The following DCDC1 variants were observed in gnomAD, a reference collection of about 807,000 sequenced individuals.
The protein encoded by DCDC1 is doublecortin domain-containing protein 1.
DCDC1 carries 200 observed loss-of-function variants against 178.3 expected under a neutral mutation model. That is an observed-to-expected ratio of 1.12 (90% CI 1.00 to 1.26). The LOEUF is 1.26. Among genes scored for constraint, DCDC1 ranks in the 50% most tolerant of loss-of-function variants. The pLI is 0.00. For synonymous variants in DCDC1, 690 were observed against 604.8 expected (o/e 1.14, Z -2.07); for missense variants, 1,983 against 1,749.2 (o/e 1.13, Z -2.38).
At chr11:31,209,664 T>C (rs11031312) in intron 9 of DCDC1, among the ~76,000 whole-genome samples, 97 of 152,170 alleles carry the variant, frequency 6.4e-4, no homozygotes, top group African/African-American at 1.9e-3. Flanking sequence ...CAGAGTCTGA[T>C]TGAGGCAAAA....
At chr11:30,954,492 C>T (rs1208814491) in intron 20 of DCDC1, among the ~76,000 whole-genome samples, 1 of 152,086 alleles carries the variant, frequency 6.6e-6, no homozygotes, top group Non-Finnish European at 1.5e-5. Context: ...TAATTCATCC[C>T]ATGAAGGGGA....
chr11:30,938,588 T>C (rs1263787702), intron 21 of DCDC1, among the ~76,000 whole-genome samples: 5 of 152,162 alleles, frequency 3.3e-5, no homozygotes, highest in Non-Finnish European at 4.4e-5. Flanking sequence ...AATTACTTGA[T>C]CCAGCAGAGA....
intron 20 of DCDC1, among the ~76,000 whole-genome samples, chr11:30,983,114 T>C (rs975873427): frequency 2.6e-5 from 4 of 152,148 alleles, no homozygotes; most frequent in Non-Finnish European, 5.9e-5. Flanking sequence ...ATGTCTTTTA[T>C]GTGCATTTTG....
chr11:31,009,457 TG>T (rs1309255064), intron 20 of DCDC1, among the ~76,000 whole-genome samples: 1 of 151,508 alleles, frequency 6.6e-6, no homozygotes, highest in African/African-American at 2.4e-5. Flanking sequence ...TGTGTGTGTG[TG>T]TGTGTGTGTG....
At chr11:30,997,040 G>A (rs921700322) in intron 20 of DCDC1, among the ~76,000 whole-genome samples, 1 of 152,098 alleles carries the variant, frequency 6.6e-6, no homozygotes, top group African/African-American at 2.4e-5. Flanking sequence ...CAATATACAT[G>A]AATCTTAAAT....
At chr11:30,873,671 G>A (rs891884256) in intron 38 of DCDC1, among the ~76,000 whole-genome samples, 1 of 152,164 alleles carries the variant, frequency 6.6e-6, no homozygotes, top group African/African-American at 2.4e-5. Flanking sequence ...ACAGAAAAGA[G>A]ATGTTCAAGT....
At chr11:30,939,086 C>T (rs1947468998) in intron 21 of DCDC1, among the ~76,000 whole-genome samples, 1 of 152,186 alleles carries the variant, frequency 6.6e-6, no homozygotes, top group Non-Finnish European at 1.5e-5. Flanking sequence ...GACACACATA[C>T]TCGACCTCTG....
chr11:30,957,787 G>T (rs1173160532), intron 20 of DCDC1, among the ~76,000 whole-genome samples: 1 of 152,160 alleles, frequency 6.6e-6, no homozygotes, highest in African/African-American at 2.4e-5. Flanking sequence ...ATGACATGTG[G>T]TAAGACAGAT....
chr11:30,877,232 T>C (rs1206887850), intron 38 of DCDC1, among the ~76,000 whole-genome samples: 1 of 152,154 alleles, frequency 6.6e-6, no homozygotes, highest in Non-Finnish European at 1.5e-5. Context: ...AATGATATAC[T>C]GCCTTCCTGC....
chr11:31,135,535 C>T (rs888403285), intron 10 of DCDC1, among the ~76,000 whole-genome samples: 10 of 152,106 alleles, frequency 6.6e-5, no homozygotes, highest in African/African-American at 2.4e-4. Flanking sequence ...AAAGTTAGAA[C>T]TTACACATCC....
intron 20 of DCDC1, among the ~76,000 whole-genome samples, chr11:31,033,899 C>CT (rs1953840005): frequency 7.3e-6 from 1 of 137,520 alleles, no homozygotes; most frequent in Non-Finnish European, 1.5e-5. Flanking sequence ...AATCCCAGCA[C>CT]TGTGGGAGGC....
intron 9 of DCDC1, among the ~76,000 whole-genome samples, chr11:31,160,846 T>C (rs1293552921): frequency 1.3e-5 from 2 of 152,202 alleles, no homozygotes; most frequent in African/African-American, 4.8e-5. Flanking sequence ...CTTATGCTCT[T>C]GAATTAACAA....
chr11:31,105,610 A>G (rs1958795285), intron 13 of DCDC1, among the ~76,000 whole-genome samples: 2 of 151,938 alleles, frequency 1.3e-5, no homozygotes, highest in Admixed American at 6.6e-5. Context: ...AAATTTATCT[A>G]TGGACAAAAA....
In DCDC1 at chr11:31,302,711, C is replaced by T. The variant is rs188098996; in HGVS notation, c.754+2904G>A. Among the ~76,000 whole-genome samples, 13 of 152,226 alleles carry T rather than the reference C, an allele frequency of 8.5e-5. No individual in the cohort carries two copies. The East Asian group carries it at 2.3e-3, about 27-fold the overall frequency. On this transcript the variant is annotated intron_variant, in intron 6 of 38. Coordinates refer to ENST00000684477, the MANE Select transcript of DCDC1 (RefSeq NM_001387274.1). ...TCAAGGTATGTGATGAATAGCTCTC[C>T]GGCTTTCTATTAGATCCAATGCCAC...
intron 21 of DCDC1, among the ~76,000 whole-genome samples, chr11:30,947,046 T>C (rs2134439946): frequency 6.6e-6 from 1 of 152,298 alleles, no homozygotes; most frequent in African/African-American, 2.4e-5. Flanking sequence ...ATCTCAAACA[T>C]TTTCACTGTG....
intron 35 of DCDC1, 62 bp from the exon 36 acceptor site, chr11:30,893,059 A>C: frequency 6.4e-7 from 1 of 1,551,960 alleles, no homozygotes; most frequent in Non-Finnish European, 8.7e-7. Flanking sequence ...GTTTGTGAAG[A>C]ATGTGATAAA....
chr11:31,250,447 CCTG>C (rs1943942692), intron 8 of DCDC1, among the ~76,000 whole-genome samples: 2 of 99,506 alleles, frequency 2.0e-5, no homozygotes, highest in East Asian at 9.7e-4. Flanking sequence ...TATATATATC[CCTG>C]CCTGGGGCTT....
chr11:31,063,995 A>C (rs773122346), intron 20 of DCDC1, among the ~76,000 whole-genome samples: 1 of 152,170 alleles, frequency 6.6e-6, no homozygotes, highest in South Asian at 2.1e-4. Context: ...AGCAATATCA[A>C]TGATGTTATT....
chr11:31,035,803 T>C (rs1590830195), intron 20 of DCDC1, among the ~76,000 whole-genome samples: 1 of 152,368 alleles, frequency 6.6e-6, no homozygotes, highest in East Asian at 1.9e-4. Flanking sequence ...TGTTCCGATG[T>C]TGATTTTTCT....
Sources: gnomAD v4.1 joint callset for allele counts (sites outside exome capture counted in the v4.1 genomes callset) on GRCh38, gnomAD v4.1.1 for gene constraint, MANE v1.5 for transcripts, NCBI Gene and HGNC (gene_info 2026-07-23, HGNC 2026-07-21) for gene names.